LRP1B: variants seen among roughly 807,000 people sequenced by gnomAD.
LRP1B encodes the protein LDL receptor related protein 1B.
Under a neutral mutation model 556.6 loss-of-function variants are expected in LRP1B, and 217 were observed. The ratio of observed to expected loss-of-function variants is 0.39; its 90% CI spans 0.35 to 0.44. LRP1B has a LOEUF of 0.44. LRP1B is among the 20% of genes least tolerant of loss of function. The pLI is 1.00. For synonymous variants in LRP1B, 2,047 were observed against 1,865.8 expected (o/e 1.10, Z -2.50); for missense variants, 5,053 against 5,620.8 (o/e 0.90, Z 3.23).
intron 72 of LRP1B, 59 bp from the exon 73 acceptor site, chr2:140,359,005 C>G (rs2105138978): frequency 1.3e-6 from 2 of 1,504,846 alleles, no homozygotes; most frequent in Non-Finnish European, 1.8e-6. Context: ...TTATGAAGAA[C>G]ATTCTTCCTT....
chr2:141,977,893 T>C (rs566602592), intron 1 of LRP1B, among the ~76,000 whole-genome samples: 14 of 152,252 alleles, frequency 9.2e-5, no homozygotes, highest in African/African-American at 3.4e-4. Context: ...AAAATATCCA[T>C]TATTCCTATT....
intron 77 of LRP1B, among the ~76,000 whole-genome samples, chr2:140,348,239 A>G (rs1459245128): frequency 3.3e-5 from 5 of 152,212 alleles, no homozygotes; most frequent in Admixed American, 6.6e-5. Flanking sequence ...TAAGGTGGTA[A>G]TAATAGATTT....
chr2:141,705,930 C>T (rs1288381702), intron 2 of LRP1B, among the ~76,000 whole-genome samples: 1 of 152,012 alleles, frequency 6.6e-6, no homozygotes, highest in Non-Finnish European at 1.5e-5. Context: ...GCCCCCAACC[C>T]ACATTTCCAG....
chr2:141,152,846 C>A (rs1346857202), intron 7 of LRP1B, among the ~76,000 whole-genome samples: 2 of 151,562 alleles, frequency 1.3e-5, no homozygotes, highest in African/African-American at 4.8e-5. Flanking sequence ...CTAATACCAA[C>A]ACCTACACTT....
At chr2:140,459,950 G>T (rs1687250162) in intron 60 of LRP1B, among the ~76,000 whole-genome samples, 1 of 152,046 alleles carries the variant, frequency 6.6e-6, no homozygotes, top group Non-Finnish European at 1.5e-5. Flanking sequence ...GTTTTCTCAG[G>T]CTTCCCCAGC....
chr2:141,371,683 T>C (rs1406669403), intron 3 of LRP1B, among the ~76,000 whole-genome samples: 8 of 152,184 alleles, frequency 5.3e-5, no homozygotes, highest in Admixed American at 3.9e-4. Flanking sequence ...TATTAGTATA[T>C]AGAAATGTTC....
At chr2:141,630,232 G>A (rs1688859632) in intron 2 of LRP1B, among the ~76,000 whole-genome samples, 1 of 152,162 alleles carries the variant, frequency 6.6e-6, no homozygotes, top group Admixed American at 6.5e-5. Flanking sequence ...AGAACAGAGA[G>A]TGCCTACTAT....
chr2:141,997,423 G>A (rs1267624925), intron 1 of LRP1B, among the ~76,000 whole-genome samples: 2 of 18,494 alleles, frequency 1.1e-4, no homozygotes, highest in Non-Finnish European at 2.8e-4. Flanking sequence ...ATATGTGTGT[G>A]TGTGTGTGTG....
intron 1 of LRP1B, among the ~76,000 whole-genome samples, chr2:142,117,366 T>C (rs1574705703): frequency 6.6e-6 from 1 of 152,128 alleles, no homozygotes; most frequent in Admixed American, 6.6e-5. Flanking sequence ...TATTCTTCTT[T>C]CCGAACCCAC....
rs186113284 is a variant in LRP1B at position 141,179,664 on chromosome 2, A to G, written c.1013+8757T>C. Among the ~76,000 whole-genome samples, 253 of 152,036 alleles carry G rather than the reference A, an allele frequency of 1.7e-3. 1 individual carries two copies. The highest frequency in any genetic ancestry group is 2.6e-3 in the Non-Finnish European group (178 of 67,930). On this transcript the variant is annotated intron_variant, in intron 7 of 90. Coordinates refer to ENST00000389484, the MANE Select transcript of LRP1B (RefSeq NM_018557.3). ...TTTGCCTTTTCCTTTTCTATGACAA[A>G]ACAACCACCACCACCAACACCACGA...
intron 41 of LRP1B, among the ~76,000 whole-genome samples, chr2:140,631,613 C>A (rs2890532): frequency 0.073 from 11,156 of 152,120 alleles, 520 homozygotes; most frequent in East Asian, 0.18. Flanking sequence ...AGCTAAAATG[C>A]AATCATCAAA....
chr2:140,948,983 T>A (rs999548278), intron 20 of LRP1B, among the ~76,000 whole-genome samples: 18 of 152,338 alleles, frequency 1.2e-4, no homozygotes, highest in Non-Finnish European at 1.8e-4. Flanking sequence ...AAAAGGAATC[T>A]ATGTGGGAGA....
chr2:140,701,975 T>C (rs1686661112), intron 39 of LRP1B, 130 bp from the exon 40 acceptor site: 3 of 1,328,266 alleles, frequency 2.3e-6, no homozygotes, highest in Admixed American at 2.1e-5. Flanking sequence ...GACATTGAAA[T>C]GCTTCAGCTT....
At chr2:141,822,130 C>CACACACAGAGAGAGAG (rs374369026) in intron 1 of LRP1B, among the ~76,000 whole-genome samples, 3 of 95,896 alleles carry the variant, frequency 3.1e-5, no homozygotes, top group African/African-American at 1.3e-4. Context: ...CACACACACA[C>CACACACAGAGAGAGAG]AGAGAGAGAG....
chr2:140,464,643 A>G (rs532521175), intron 60 of LRP1B, among the ~76,000 whole-genome samples: 2 of 152,356 alleles, frequency 1.3e-5, no homozygotes, highest in South Asian at 4.1e-4. Context: ...TTGGTAAAGT[A>G]TATTCCTTTT....
chr2:140,520,390 G>C (rs544062097), intron 49 of LRP1B, among the ~76,000 whole-genome samples: 3 of 152,184 alleles, frequency 2.0e-5, no homozygotes, highest in African/African-American at 4.8e-5. Context: ...TCACTCATAG[G>C]TGGAAATTGA....
chr2:142,098,904 T>G (rs2104964719), intron 1 of LRP1B, among the ~76,000 whole-genome samples: 1 of 151,926 alleles, frequency 6.6e-6, no homozygotes. Flanking sequence ...ATTTCAAAAT[T>G]AGATAATTCA....
At chr2:140,705,509 G>C (rs1391421738) in intron 37 of LRP1B, among the ~76,000 whole-genome samples, 1 of 104,544 alleles carries the variant, frequency 9.6e-6, no homozygotes, top group African/African-American at 3.8e-5. Context: ...GGGGAACAGA[G>C]TGAGACTGTC....
In LRP1B at chr2:141,797,412, CTG is replaced by C. The variant is rs1196361474; in HGVS notation, c.205+12865_205+12866del. Among the ~76,000 whole-genome samples the C allele has an allele frequency of 1.3e-4, 20 of 151,604 alleles. 1 individual carries two copies. Among genetic ancestry groups the C allele is most frequent in the Admixed American group, 1.3e-3 (20 of 15,188 alleles). ...CCTTGAAACAGAAGTAACAGTTATT[CTG>C]TGTGTCATATTTAGCTAGACTAGGA... On this transcript the variant is annotated intron_variant, in intron 2 of 90. Coordinates refer to ENST00000389484, the MANE Select transcript of LRP1B (RefSeq NM_018557.3).
Sources: gnomAD v4.1 joint callset for allele counts (sites outside exome capture counted in the v4.1 genomes callset) on GRCh38, gnomAD v4.1.1 for gene constraint, MANE v1.5 for transcripts, NCBI Gene and HGNC (gene_info 2026-07-23, HGNC 2026-07-21) for gene names.